Variants in ZDHHC14 observed in about 807,000 individuals in gnomAD.
ZDHHC14 encodes the protein zDHHC palmitoyltransferase 14.
A neutral mutation model predicts 47.7 loss-of-function variants in ZDHHC14; 16 were observed. The observed-to-expected ratio is 0.34, with a 90% CI of 0.23 to 0.51. The LOEUF (loss-of-function observed/expected upper bound fraction) is 0.51. ZDHHC14 is among the 20% of genes least tolerant of loss of function. The pLI, the probability that ZDHHC14 is intolerant of heterozygous loss-of-function variation, is 0.97. For missense variants in ZDHHC14, 515 were observed against 662.5 expected (o/e 0.78, Z 2.44); for synonymous variants, 293 against 278.9 (o/e 1.05, Z -0.50).
At chr6:157,542,338 A>G (rs150301546) in intron 1 of ZDHHC14, among the ~76,000 whole-genome samples, 1,604 of 152,312 alleles carry the variant, frequency 0.011, 18 homozygotes, top group Non-Finnish European at 0.018. Flanking sequence ...TTCTGCCAGC[A>G]TCTTCCTGTA....
chr6:157,464,026 AAAAATAAAAT>A (rs747312015), intron 1 of ZDHHC14, among the ~76,000 whole-genome samples: 5 of 152,228 alleles, frequency 3.3e-5, no homozygotes, highest in Non-Finnish European at 5.9e-5. Flanking sequence ...TTCTGTCTCA[AAAAATAAAAT>A]AAAATAAAAT....
chr6:157,506,631 G>T (rs1286906322), intron 1 of ZDHHC14, among the ~76,000 whole-genome samples: 1 of 152,196 alleles, frequency 6.6e-6, no homozygotes, highest in Non-Finnish European at 1.5e-5. Context: ...TTATTAATTT[G>T]CTTCTGCTGT....
At position 157,402,557 on chromosome 6, in the gene ZDHHC14, T is replaced by C. The variant is rs145603245; in HGVS notation, c.245+20291T>C. Among the ~76,000 whole-genome samples the C allele has an allele frequency of 2.9e-3, 444 of 152,346 alleles. 1 individual carries two copies. Among genetic ancestry groups the C allele is most frequent in the African/African-American group, 0.01 (416 of 41,578 alleles). ...CCTTCTTAATGGGGTGAAGATGAAGTGGGATATGATGGTCCCTATCATCGT... is the reference window on the plus strand; with the variant it reads ...CCTTCTTAATGGGGTGAAGATGAAGCGGGATATGATGGTCCCTATCATCGT... On this transcript the variant is annotated intron_variant, in intron 1 of 8. Transcript: ENST00000359775.
intron 1 of ZDHHC14, among the ~76,000 whole-genome samples, chr6:157,467,378 A>G (rs559041540): frequency 6.6e-6 from 1 of 152,070 alleles, no homozygotes; most frequent in African/African-American, 2.4e-5. Context: ...TTCTGTCTCT[A>G]TAGATTTGTC....
intron 2 of ZDHHC14, among the ~76,000 whole-genome samples, chr6:157,562,170 G>A (rs1030637020): frequency 1.3e-5 from 2 of 152,198 alleles, no homozygotes; most frequent in Admixed American, 6.5e-5. Flanking sequence ...TAGGGGCTGT[G>A]GGGACCTGCA....
intron 3 of ZDHHC14, among the ~76,000 whole-genome samples, chr6:157,617,891 A>G (rs994735617): frequency 1.3e-5 from 2 of 152,168 alleles, no homozygotes; most frequent in African/African-American, 4.8e-5. Flanking sequence ...CACAGGGTAG[A>G]GATCGAGTGA....
At chr6:157,551,077 A>G (rs1782211374) in intron 2 of ZDHHC14, among the ~76,000 whole-genome samples, 1 of 152,208 alleles carries the variant, frequency 6.6e-6, no homozygotes, top group Non-Finnish European at 1.5e-5. Flanking sequence ...GCATGGTTCA[A>G]GAATACAGTC....
At chr6:157,600,003 G>A (rs1242653488) in intron 3 of ZDHHC14, among the ~76,000 whole-genome samples, 1 of 152,176 alleles carries the variant, frequency 6.6e-6, no homozygotes, top group Admixed American at 6.5e-5. Context: ...TAGAAAACTG[G>A]AATTGATTAC....
intron 2 of ZDHHC14, among the ~76,000 whole-genome samples, chr6:157,583,938 G>T (rs957998677): frequency 6.9e-6 from 1 of 144,034 alleles, no homozygotes; most frequent in Admixed American, 7.3e-5. Flanking sequence ...GCTGTGCTGT[G>T]GACCTAAGTG....
intron 3 of ZDHHC14, among the ~76,000 whole-genome samples, chr6:157,605,954 C>T (rs1352553517): frequency 6.6e-6 from 1 of 152,210 alleles, no homozygotes; most frequent in Non-Finnish European, 1.5e-5. Context: ...CATAAATAAG[C>T]TCAACTTGCT....
At chr6:157,505,295 T>A (rs1366684401) in intron 1 of ZDHHC14, among the ~76,000 whole-genome samples, 1 of 152,204 alleles carries the variant, frequency 6.6e-6, no homozygotes, top group Non-Finnish European at 1.5e-5. Flanking sequence ...GGATTGGAAG[T>A]ATTGTTTTAT....
intron 1 of ZDHHC14, among the ~76,000 whole-genome samples, chr6:157,456,248 C>T (rs571916626): frequency 1.3e-5 from 2 of 152,156 alleles, no homozygotes; most frequent in South Asian, 4.1e-4. Context: ...AAAGACAGTT[C>T]CAGTGATGTG....
intron 1 of ZDHHC14, among the ~76,000 whole-genome samples, chr6:157,451,383 T>C (rs772582380): frequency 6.6e-6 from 1 of 152,216 alleles, no homozygotes; most frequent in South Asian, 2.1e-4. Flanking sequence ...AGCAGCGTCA[T>C]CCTAAGACTA....
intron 5 of ZDHHC14, among the ~76,000 whole-genome samples, chr6:157,637,105 C>G (rs946187321): frequency 6.6e-6 from 1 of 152,216 alleles, no homozygotes; most frequent in Admixed American, 6.5e-5. Flanking sequence ...AACATTAGTT[C>G]TGGTTATTAG....
chr6:157,550,615 A>G (rs1361034180), intron 2 of ZDHHC14, among the ~76,000 whole-genome samples: 2 of 151,262 alleles, frequency 1.3e-5, no homozygotes, highest in Non-Finnish European at 3.0e-5. Context: ...TGTCACACAG[A>G]CACTCTAGAG....
At chr6:157,402,140 G>A (rs113358688) in intron 1 of ZDHHC14, among the ~76,000 whole-genome samples, 11 of 148,930 alleles carry the variant, frequency 7.4e-5, no homozygotes, top group African/African-American at 2.7e-4. Flanking sequence ...TGAGATGTGC[G>A]CCTGCTGAGG....
At chr6:157,479,710 G>A (rs1243480111) in intron 1 of ZDHHC14, among the ~76,000 whole-genome samples, 1 of 152,234 alleles carries the variant, frequency 6.6e-6, no homozygotes, top group African/African-American at 2.4e-5. Flanking sequence ...GGACAAATAT[G>A]CCAAGGGAAA....
intron 1 of ZDHHC14, among the ~76,000 whole-genome samples, chr6:157,503,768 A>G (rs995318529): frequency 1.3e-5 from 2 of 152,212 alleles, no homozygotes; most frequent in African/African-American, 4.8e-5. Context: ...GATCACAGTG[A>G]CATGCTTTTT....
intron 1 of ZDHHC14, among the ~76,000 whole-genome samples, chr6:157,520,714 T>C (rs1780881877): frequency 6.6e-6 from 1 of 152,204 alleles, no homozygotes; most frequent in Admixed American, 6.5e-5. Context: ...TAGCAGTAAG[T>C]ATTGAGATAA....
Sources: gnomAD v4.1 joint callset for allele counts (sites outside exome capture counted in the v4.1 genomes callset) on GRCh38, gnomAD v4.1.1 for gene constraint, MANE v1.5 for transcripts, NCBI Gene and HGNC (gene_info 2026-07-23, HGNC 2026-07-21) for gene names.